The following GARS1 variants were observed in gnomAD, a reference collection of about 807,000 sequenced individuals.
The protein encoded by GARS1 is glycyl-tRNA synthetase 1, also known as glycine--tRNA ligase.
GARS1 carries 46 observed loss-of-function variants against 86.4 expected under a neutral mutation model. That is an observed-to-expected ratio of 0.53 (90% CI 0.42 to 0.68). GARS1 has a LOEUF of 0.68. Ranked by LOEUF, GARS1 falls within the 30% of genes least tolerant of loss-of-function variation. The pLI, the probability that GARS1 is intolerant of heterozygous loss-of-function variation, is 0.00. For synonymous variants in GARS1, 342 were observed against 329.8 expected, an observed-to-expected ratio of 1.04 and a Z score of -0.40; for missense variants, 797 against 915.6, an observed-to-expected ratio of 0.87 and a Z score of 1.67.
rs1051323034 is a variant in GARS1 at position 30,603,506 on chromosome 7, G to A, written c.669G>A (p.Gln223=). 55 of 1,613,416 alleles carry A rather than the reference G, an allele frequency of 3.4e-5. No individual in the cohort carries two copies. In the Admixed American group the frequency reaches 9.2e-4, roughly 27 times the overall value. The change falls in exon 6 of 17, where the codon CAG becomes CAA. Residue 223 remains glutamine, a synonymous_variant. Transcript: ENST00000389266. ...ACACTGTTCTTACAGCTCATTTACA[G>A]AAATTGATGTCTGATAAGAAGTGTT... is the stretch of plus-strand genomic sequence containing the variant. ...RADHLLKAHL[Q]KLMSDKKCSV...
chr7:30,615,147 T>G (rs1409301382), intron 8 of GARS1, among the ~76,000 whole-genome samples: 2 of 152,354 alleles, frequency 1.3e-5, no homozygotes, highest in East Asian at 3.9e-4. Context: ...TAGCTTGATG[T>G]TAGCTTGTTC....
intron 11 of GARS1, chr7:30,622,031 AT>A (rs1261939561): frequency 6.8e-6 from 3 of 442,614 alleles, no homozygotes; most frequent in African/African-American, 6.0e-5. Context: ...AGAAATACTT[AT>A]CAGAAGTTCT....
rs1046494071 is a variant in GARS1 at position 30,619,304 on chromosome 7, A to T, written c.1359+2026A>T. 4.6e-5 allele frequency among the ~76,000 whole-genome samples: 7 copies of T among 152,324 alleles called. No individual in the cohort carries two copies. In the South Asian group the frequency reaches 1.2e-3, roughly 27 times the overall value. On this transcript the variant is annotated intron_variant, in intron 10 of 16. Transcript: ENST00000389266. ...TCACTGGAAAACAGGGCTAAATGAA[A>T]CAAGAAGCTCCAGAGTCCCAGAGGC...
intron 12 of GARS1, 21 bp downstream of exon 12, chr7:30,622,483 T>C (rs1026527364): frequency 6.2e-7 from 1 of 1,613,704 alleles, no homozygotes; most frequent in Non-Finnish European, 8.5e-7. Flanking sequence ...AGATGTTTAC[T>C]CTTCCATGGG....
At chr7:30,628,256 T>C (rs1173333364) in intron 13 of GARS1, among the ~76,000 whole-genome samples, 1 of 151,784 alleles carries the variant, frequency 6.6e-6, no homozygotes, top group Non-Finnish European at 1.5e-5. Context: ...ACGATCTTGG[T>C]TCACTGCAAC....
At chr7:30,601,004 T>A in intron 3 of GARS1, 55 bp from the exon 4 acceptor site, 2 of 1,561,004 alleles carry the variant, frequency 1.3e-6, no homozygotes, top group Non-Finnish European at 1.8e-6. Context: ...TCTCCTTGCC[T>A]TCATTTGTTC....
chr7:30,611,917 C>T (rs1166798998), intron 7 of GARS1, among the ~76,000 whole-genome samples, 179 bp from the exon 8 acceptor site: 2 of 152,142 alleles, frequency 1.3e-5, no homozygotes, highest in African/African-American at 4.8e-5. Flanking sequence ...TTTTCTAATA[C>T]GTGCTATGAA....
chr7:30,602,466 A>G (rs1256368035), intron 4 of GARS1, among the ~76,000 whole-genome samples: 2 of 152,216 alleles, frequency 1.3e-5, no homozygotes, highest in Non-Finnish European at 2.9e-5. Context: ...GGCATCCGTT[A>G]GGTTCTCTTA....
At chr7:30,598,367 T>C (rs1272681663) in intron 1 of GARS1, among the ~76,000 whole-genome samples, 2 of 150,530 alleles carry the variant, frequency 1.3e-5, no homozygotes, top group African/African-American at 4.9e-5. Flanking sequence ...AACATTTGAA[T>C]TGCATCATTC....
At chr7:30,627,771 A>G (rs548970110) in intron 13 of GARS1, among the ~76,000 whole-genome samples, 68 of 152,360 alleles carry the variant, frequency 4.5e-4, no homozygotes, top group African/African-American at 1.4e-3. Flanking sequence ...TATCAAGATA[A>G]CAAGCTAAAA....
At chr7:30,623,380 G>T (rs1332947432) in intron 12 of GARS1, among the ~76,000 whole-genome samples, 1 of 151,768 alleles carries the variant, frequency 6.6e-6, no homozygotes, top group Admixed American at 6.6e-5. Context: ...GGTGAGAAAT[G>T]GAAAAATATA....
intron 8 of GARS1, among the ~76,000 whole-genome samples, chr7:30,612,524 G>A (rs372992547): frequency 7.2e-4 from 100 of 139,524 alleles, no homozygotes; most frequent in African/African-American, 2.4e-3. Context: ...CTTGTTCATC[G>A]TATATTTTGA....
chr7:30,594,742 G>C (rs919928419), upstream of GARS1: 2 of 603,042 alleles, frequency 3.3e-6, no homozygotes, highest in South Asian at 2.0e-5. Context: ...ACCTTCGGCG[G>C]GGTCCTTCCG....
chr7:30,606,729 C>T (rs1477603715), intron 6 of GARS1, among the ~76,000 whole-genome samples: 2 of 152,158 alleles, frequency 1.3e-5, no homozygotes, highest in Admixed American at 1.3e-4. Context: ...TGGAATCAGA[C>T]ATTTCTCCAA....
At position 30,596,395 on chromosome 7, in the gene GARS1, A is replaced by T. The variant is rs1791246991; in HGVS notation, c.222+1252A>T. 2.0e-5 allele frequency among the ~76,000 whole-genome samples: 3 copies of T among 152,148 alleles called. No individual in the cohort carries two copies. In the South Asian group the frequency reaches 6.2e-4, roughly 32 times the overall value. ...CCTCCACCCACCTTCCACTCCACAAATAAAATTAGGTGTGGTTCCTTTGTC... is the reference window on the plus strand; with the variant it reads ...CCTCCACCCACCTTCCACTCCACAATTAAAATTAGGTGTGGTTCCTTTGTC... On this transcript the variant is annotated intron_variant, in intron 1 of 16. Transcript: ENST00000389266.
chr7:30,600,087 A>C (rs1038252361), intron 3 of GARS1, 38 bp downstream of exon 3: 2 of 1,384,444 alleles, frequency 1.4e-6, no homozygotes, highest in Admixed American at 1.7e-5. Context: ...TTGTGTTGTT[A>C]GTGGCTCTAA....
chr7:30,626,367 T>A, intron 13 of GARS1, 48 bp downstream of exon 13: 2 of 1,148,482 alleles, frequency 1.7e-6, no homozygotes, highest in Non-Finnish European at 2.6e-6. Flanking sequence ...CCTTAAAGCT[T>A]TTGTTGTTGT....
rs1254543726 is a variant in GARS1, at chr7:30,617,108, G to T, written c.1195-6G>T. Reference sequence around the variant, plus strand: ...TTCCTCCATGCTTGCTTATTGGTTGGTTTAGGGTGTGATTAATAACACAGT... The same window carrying T: ...TTCCTCCATGCTTGCTTATTGGTTGTTTTAGGGTGTGATTAATAACACAGT... On this transcript the variant is annotated splice_polypyrimidine_tract_variant and splice_region_variant and intron_variant, in intron 9 of 16. Coordinates refer to ENST00000389266, the MANE Select transcript of GARS1 (RefSeq NM_002047.4). 6 of 1,613,986 alleles carry T rather than the reference G, an allele frequency of 3.7e-6. No individual in the cohort carries two copies. The highest frequency in any genetic ancestry group is 5.1e-6 in the Non-Finnish European group (6 of 1,179,966).
intron 10 of GARS1, 26 bp from the exon 11 acceptor site, chr7:30,621,367 T>G: frequency 1.3e-6 from 2 of 1,575,214 alleles, no homozygotes; most frequent in East Asian, 4.5e-5. Context: ...AAGTAAGTAA[T>G]GTTTTTATTG....
Sources: gnomAD v4.1 joint callset for allele counts (sites outside exome capture counted in the v4.1 genomes callset) on GRCh38, gnomAD v4.1.1 for gene constraint, MANE v1.5 for transcripts, NCBI Gene and HGNC (gene_info 2026-07-23, HGNC 2026-07-21) for gene names.